FAM83D: variants seen among roughly 807,000 people sequenced by gnomAD.
The protein encoded by FAM83D is protein FAM83D.
In FAM83D, 26 loss-of-function variants were observed where a neutral mutation model predicts 25.4. The ratio of observed to expected loss-of-function variants is 1.02; its 90% CI spans 0.75 to 1.42. The LOEUF (loss-of-function observed/expected upper bound fraction) is 1.42. Ranked by LOEUF, FAM83D falls within the 40% of genes most tolerant of loss-of-function variation. FAM83D has a pLI of 0.00. For missense variants in FAM83D, 740 were observed against 758.1 expected, an observed-to-expected ratio of 0.98 and a Z score of 0.28; for synonymous variants, 310 against 318.5, an observed-to-expected ratio of 0.97 and a Z score of 0.28.
intron 2 of FAM83D, among the ~76,000 whole-genome samples, chr20:38,944,888 G>A (rs188723757): frequency 4.0e-5 from 6 of 151,108 alleles, no homozygotes; most frequent in African/African-American, 1.5e-4. Flanking sequence ...GCAGTGAGCC[G>A]AGATCGCGCC....
intron 2 of FAM83D, among the ~76,000 whole-genome samples, chr20:38,945,098 C>T (rs1298165229): frequency 6.6e-6 from 1 of 152,138 alleles, no homozygotes; most frequent in Non-Finnish European, 1.5e-5. Context: ...TGTCCCCATG[C>T]TCTGCCTCTG....
rs184187888 is a variant in FAM83D at position 38,948,191 on chromosome 20, T to C, written c.776+191T>C. On this transcript the variant is annotated intron_variant, in intron 3 of 3. Coordinates refer to ENST00000619850, the MANE Select transcript of FAM83D (RefSeq NM_030919.3). ...CAGTTTGGGTGGGGGTCACTTCCCC[T>C]GTCCTGTAGTCCATAGATTAAAATG... Among the ~76,000 whole-genome samples, 5 of 152,364 alleles carry C rather than the reference T, an allele frequency of 3.3e-5. No homozygotes were observed. The East Asian group carries it at 7.7e-4, about 23-fold the overall frequency.
At chr20:38,945,828 T>C (rs1326227390) in intron 2 of FAM83D, among the ~76,000 whole-genome samples, 5 of 142,306 alleles carry the variant, frequency 3.5e-5, no homozygotes, top group African/African-American at 7.8e-5. Context: ...CTGGACTCAA[T>C]TGATCCTCTT....
At position 38,926,679 on chromosome 20, in the gene FAM83D, CGCG is replaced by C. The variant is rs534813259; in HGVS notation, c.255_257del (p.Ala86del). On this transcript the variant is annotated inframe_deletion, in exon 1 of 4. Coordinates refer to ENST00000619850, the MANE Select transcript of FAM83D (RefSeq NM_030919.3). ...CGGCGGAGAGGCCGGGAGAGGAGGG[CGCG>C]GCGGCGGCGGCGGCGGCCGAGGACT... The C allele has an allele frequency of 3.1e-3, 4,732 of 1,510,076 alleles. 92 individuals are homozygous for C. In the African/African-American group the frequency reaches 0.05, roughly 16 times the overall value. 93.5% of individuals were successfully genotyped at this position (1,510,076 alleles called of 1,614,324 possible).
At chr20:38,930,824 G>C (rs1187188741) in intron 1 of FAM83D, among the ~76,000 whole-genome samples, 1 of 152,178 alleles carries the variant, frequency 6.6e-6, no homozygotes, top group Non-Finnish European at 1.5e-5. Flanking sequence ...TTTTAGTAGA[G>C]ATGGGGTTTC....
Position 38,926,489 on chromosome 20 carries a change from T to TG in FAM83D, c.48dup (p.Ser17ValfsTer48), listed in dbSNP as rs758038932. 1.3e-6 allele frequency: 2 copies of TG among 1,597,314 alleles called. No individual in the cohort carries two copies. Among genetic ancestry groups the TG allele is most frequent in the East Asian group, 4.5e-5 (2 of 44,676 alleles). ...CTGGACGAGGTGCCCGCCGCCTGCC[T>TG]GTCGCCGTGCGGGCCGCCCAACCCG... On this transcript the variant is annotated frameshift_variant, in exon 1 of 4. Transcript: ENST00000619850. LOFTEE classifies it high-confidence loss of function.
rs2085636879 is a variant in FAM83D, at chr20:38,926,718, C to T, written c.276C>T (p.Ser92=). The change falls in exon 1 of 4, where the codon TCC becomes TCT. Residue 92 remains serine (S), a synonymous_variant. Transcript: ENST00000619850. Reference sequence around the variant, plus strand: ...CGGCGGCCGAGGACTCGTTCGGCTCCTCGCACGACTGCTCTTCGGGCACCT... The same window carrying T: ...CGGCGGCCGAGGACTCGTTCGGCTCTTCGCACGACTGCTCTTCGGGCACCT... ...AAAAAEDSFG[S]SHDCSSGTYF... is the part of the protein sequence containing the mutation. The T allele has an allele frequency of 1.3e-6, 2 of 1,521,536 alleles. No homozygotes were observed. The highest frequency in any genetic ancestry group is 2.8e-5 in the African/African-American group (2 of 71,254). 94.3% of individuals were successfully genotyped at this position (1,521,536 alleles called of 1,614,324 possible).
chr20:38,943,051 G>T (rs2145805501), intron 2 of FAM83D, among the ~76,000 whole-genome samples: 1 of 148,684 alleles, frequency 6.7e-6, no homozygotes, highest in Non-Finnish European at 1.5e-5. Context: ...CTGAGATAGA[G>T]TCTCACTCTG....
chr20:38,928,801 C>G (rs1275183046), intron 1 of FAM83D, among the ~76,000 whole-genome samples: 1 of 152,166 alleles, frequency 6.6e-6, no homozygotes, highest in Non-Finnish European at 1.5e-5. Context: ...CTGCCCTAGT[C>G]TAGCTACCCA....
At chr20:38,948,999 T>A (rs1032155904) in intron 3 of FAM83D, among the ~76,000 whole-genome samples, 1 of 152,222 alleles carries the variant, frequency 6.6e-6, no homozygotes, top group Admixed American at 6.5e-5. Flanking sequence ...AGGATTTATC[T>A]ATATTAACCA....
Position 38,926,486 on chromosome 20 carries a change from G to T in FAM83D, c.44G>T (p.Cys15Phe). The T allele has an allele frequency of 6.3e-7, 1 of 1,597,472 alleles. No homozygotes were observed. ...GGCCTGGACGAGGTGCCCGCCGCCT[G>T]CCTGTCGCCGTGCGGGCCGCCCAAC... Reference protein sequence around the residue: ...SEGLDEVPAACLSPCGPPNPT... With the variant: ...SEGLDEVPAAFLSPCGPPNPT... The change falls in exon 1 of 4, where the codon TGC (cysteine) becomes TTC (phenylalanine). Residue 15 changes from cysteine (C) to phenylalanine (F), a missense_variant. Cys to Phe is a radical substitution (Grantham distance 205). Coordinates refer to ENST00000619850, the MANE Select transcript of FAM83D (RefSeq NM_030919.3).
chr20:38,944,605 G>T (rs2145806147), intron 2 of FAM83D, among the ~76,000 whole-genome samples: 1 of 152,296 alleles, frequency 6.6e-6, no homozygotes, highest in Non-Finnish European at 1.5e-5. Context: ...GTTGGTTGTT[G>T]CCTTCATAGG....
chr20:38,951,440 T>G (rs932301114), intron 3 of FAM83D, 99 bp from the exon 4 acceptor site: 1 of 1,358,234 alleles, frequency 7.4e-7, no homozygotes. Flanking sequence ...GTGACCCTTA[T>G]GTGGTAAGAT....
intron 1 of FAM83D, among the ~76,000 whole-genome samples, chr20:38,936,532 C>CCT (rs2085680020): frequency 6.6e-6 from 1 of 152,170 alleles, no homozygotes; most frequent in Non-Finnish European, 1.5e-5. Context: ...ACTTCATGGG[C>CCT]TACGCCACTG....
intron 1 of FAM83D, among the ~76,000 whole-genome samples, chr20:38,935,269 T>G (rs992275930): frequency 2.6e-5 from 4 of 152,182 alleles, no homozygotes; most frequent in African/African-American, 7.2e-5. Flanking sequence ...CCCTAACTTC[T>G]TGGTGCTTTT....
intron 1 of FAM83D, among the ~76,000 whole-genome samples, chr20:38,930,639 C>T (rs1444109242): frequency 6.6e-6 from 1 of 151,702 alleles, no homozygotes; most frequent in East Asian, 1.9e-4. Flanking sequence ...CACCACCATG[C>T]CCAGCTAATT....
At position 38,926,831 on chromosome 20, in the gene FAM83D, GT is replaced by G. The variant is rs2085637812; in HGVS notation, c.390del (p.Val131SerfsTer32). 1.3e-5 allele frequency: 20 copies of G among 1,534,292 alleles called. No individual in the cohort carries two copies. In the South Asian group the frequency reaches 2.3e-4, roughly 17 times the overall value. Reference sequence around the variant, plus strand: ...CAGGGCGCCTACCGCGGCGCCACGCGTGTCGAGACGCACTTCCAGCCCCGCG... The same window carrying G: ...CAGGGCGCCTACCGCGGCGCCACGCGGTCGAGACGCACTTCCAGCCCCGCG... ...FYQGAYRGATRVETHFQPRGA... is the reference protein window; with the variant it reads ...FYQGAYRGATXVETHFQPRGA... On this transcript the variant is annotated frameshift_variant, in exon 1 of 4. Transcript: ENST00000619850. LOFTEE classifies it high-confidence loss of function.
chr20:38,939,505 A>G (rs942402622), intron 1 of FAM83D, among the ~76,000 whole-genome samples: 2 of 151,882 alleles, frequency 1.3e-5, no homozygotes, highest in African/African-American at 4.8e-5. Context: ...GCATGCCACC[A>G]TGTTCATCTA....
At position 38,951,597 on chromosome 20, in the gene FAM83D, G is replaced by A. The variant is rs199980392; in HGVS notation, c.835G>A (p.Val279Met). 1.2e-6 allele frequency: 2 copies of A among 1,614,094 alleles called. No homozygotes were observed. Among genetic ancestry groups the A allele is most frequent in the East Asian group, 4.5e-5 (2 of 44,886 alleles). Residue 279 changes from valine to methionine, a missense_variant, in exon 4 of 4, where the codon GTG becomes ATG. Coordinates refer to ENST00000619850, the MANE Select transcript of FAM83D (RefSeq NM_030919.3). ...TAACTTGGTAATTCTGTCTGGCCAA[G>A]TGGTTGAACACTTTGATCTGGAGTT... Reference protein sequence around the residue: ...SSNLVILSGQVVEHFDLEFRI... With the variant: ...SSNLVILSGQMVEHFDLEFRI...
Sources: gnomAD v4.1 joint callset for allele counts (sites outside exome capture counted in the v4.1 genomes callset) on GRCh38, gnomAD v4.1.1 for gene constraint, MANE v1.5 for transcripts, NCBI Gene and HGNC (gene_info 2026-07-23, HGNC 2026-07-21) for gene names.